The following RFX2 variants were observed in gnomAD, a reference collection of about 807,000 sequenced individuals.
RFX2 encodes DNA-binding protein RFX2.
In RFX2, 20 loss-of-function variants were observed where a neutral mutation model predicts 87.8. That is an observed-to-expected ratio of 0.23 (90% confidence interval 0.16 to 0.33). RFX2 has a LOEUF of 0.33. RFX2 is among the 10% of genes least tolerant of loss of function. The pLI is 1.00. For synonymous variants in RFX2, 397 were observed against 431.3 expected (o/e 0.92, Z 0.98); for missense variants, 767 against 1,012.3 (o/e 0.76, Z 3.29).
At position 6,012,605 on chromosome 19, in the gene RFX2, G is replaced by A. The variant is rs2086674490; in HGVS notation, c.899+381C>T. 1.3e-5 allele frequency among the ~76,000 whole-genome samples: 2 copies of A among 152,122 alleles called. No individual in the cohort carries two copies. The highest frequency in any genetic ancestry group is 4.8e-5 in the African/African-American group (2 of 41,412). ...ATGCTGGCTCCGCGGAGGGTCACGG[G>A]TCATGAGCAATGCACCGCTGTGTGG... On this transcript the variant is annotated intron_variant, in intron 8 of 17. Coordinates refer to ENST00000303657, the MANE Select transcript of RFX2 (RefSeq NM_000635.4). The surrounding 1 kb of genome is among the most constrained non-coding windows in gnomAD (Gnocchi z 4.6).
intron 5 of RFX2, among the ~76,000 whole-genome samples, chr19:6,032,505 T>G (rs776281739): frequency 2.6e-5 from 4 of 152,150 alleles, no homozygotes; most frequent in Non-Finnish European, 4.4e-5. Context: ...AATCATAGAA[T>G]TAGGCCTGGA....
chr19:6,099,304 C>T (rs989772103), intron 1 of RFX2, among the ~76,000 whole-genome samples: 1 of 152,160 alleles, frequency 6.6e-6, no homozygotes, highest in African/African-American at 2.4e-5. Context: ...TAAAACCCCT[C>T]CCCGCTCCCC....
At chr19:6,046,794 G>T (rs112708357) in intron 2 of RFX2, among the ~76,000 whole-genome samples, 3,427 of 151,382 alleles carry the variant, frequency 0.023, 135 homozygotes, top group African/African-American at 0.079. Context: ...TAAAGACAAG[G>T]TCTCTGTCAC....
At chr19:6,041,211 C>A (rs2087101097) in intron 4 of RFX2, among the ~76,000 whole-genome samples, 1 of 151,984 alleles carries the variant, frequency 6.6e-6, no homozygotes, top group Admixed American at 6.6e-5. Flanking sequence ...GTGTGCACCG[C>A]CACAGTAGCT....
intron 1 of RFX2, among the ~76,000 whole-genome samples, chr19:6,092,785 T>G (rs2087958680): frequency 6.6e-6 from 1 of 152,004 alleles, no homozygotes; most frequent in African/African-American, 2.4e-5. Flanking sequence ...CAGAACACTG[T>G]GGGTGAGTTC....
chr19:6,022,075 G>A lies in RFX2; in HGVS notation c.597+4088C>T, dbSNP rs991210860. ...GACGCAGTGGGGTTGGGGGCCGAGCGCCTGGAAGATTGGCTGCCCCTGCCT... is the reference window on the plus strand; with the variant it reads ...GACGCAGTGGGGTTGGGGGCCGAGCACCTGGAAGATTGGCTGCCCCTGCCT... On this transcript the variant is annotated intron_variant, in intron 6 of 17. Coordinates refer to ENST00000303657, the MANE Select transcript of RFX2 (RefSeq NM_000635.4). This position sits in a 1 kb window ranked among gnomAD's most constrained non-coding sequence, Gnocchi z 6.2. Among the ~76,000 whole-genome samples, 1 of 152,166 alleles carries A rather than the reference G, an allele frequency of 6.6e-6. No individual in the cohort carries two copies. Among genetic ancestry groups the A allele is most frequent in the African/African-American group, 2.4e-5 (1 of 41,432 alleles).
chr19:6,093,096 G>A (rs985327126), intron 1 of RFX2, among the ~76,000 whole-genome samples: 1 of 152,162 alleles, frequency 6.6e-6, no homozygotes, highest in African/African-American at 2.4e-5. Flanking sequence ...GCAAGCTAAC[G>A]CCAAGGGGAG....
intron 1 of RFX2, among the ~76,000 whole-genome samples, chr19:6,106,230 C>CCCATCCAT (rs56665747): frequency 0.066 from 9,915 of 150,036 alleles, 391 homozygotes; most frequent in African/African-American, 0.11. Flanking sequence ...CATCGGCCTG[C>CCCATCCAT]CCATCCATCC....
At chr19:6,104,604 G>A (rs976932460) in intron 1 of RFX2, among the ~76,000 whole-genome samples, 44 of 151,406 alleles carry the variant, frequency 2.9e-4, no homozygotes, top group African/African-American at 9.0e-4. Context: ...GCAGGGTGTC[G>A]CTATGTTGCC....
At chr19:6,097,988 T>G (rs2088054214) in intron 1 of RFX2, among the ~76,000 whole-genome samples, 1 of 152,168 alleles carries the variant, frequency 6.6e-6, no homozygotes, top group Non-Finnish European at 1.5e-5. Flanking sequence ...CTTGATTCTG[T>G]GGCCAACGTA....
rs570192052 is a variant in RFX2, at chr19:6,001,666, G to A, written c.1859+149C>T. The A allele has an allele frequency of 5.4e-4, 351 of 646,656 alleles. 2 individuals carry two copies. In the African/African-American group the frequency reaches 5.8e-3, roughly 11 times the overall value. 40.1% of individuals were successfully genotyped at this position (646,656 alleles called of 1,614,324 possible). A position where few individuals can be genotyped will look rare whatever the true frequency, so the allele number is the denominator to read the frequency against. On this transcript the variant is annotated intron_variant, in intron 15 of 17. Transcript: ENST00000303657. This position sits in a 1 kb window ranked among gnomAD's most constrained non-coding sequence, Gnocchi z 5.6. ...GGTCATGAGTGAGGCCCCCAGCCAG[G>A]TAGTTGTTTTTTGCGGGTTCAGACA... is the stretch of plus-strand genomic sequence containing the variant.
In RFX2 at chr19:6,012,858, G is replaced by T; in HGVS notation, c.899+128C>A. 1 of 935,546 alleles carries T rather than the reference G, an allele frequency of 1.1e-6. No individual in the cohort carries two copies. The highest frequency in any genetic ancestry group is 1.5e-6 in the Non-Finnish European group (1 of 681,006). The allele number at this position is 935,546 out of a possible 1,614,324, so 58.0% of individuals were successfully genotyped here. A position where few individuals can be genotyped will look rare whatever the true frequency, so the allele number is the denominator to read the frequency against. ...ACTCACCTCAGTCTCAGCAGAGGGGGATACCTTGGCTTTCCCAGGATGCTG... is the reference window on the plus strand; with the variant it reads ...ACTCACCTCAGTCTCAGCAGAGGGGTATACCTTGGCTTTCCCAGGATGCTG... On this transcript the variant is annotated intron_variant, in intron 8 of 17. Transcript: ENST00000303657. This position sits in a 1 kb window ranked among gnomAD's most constrained non-coding sequence, Gnocchi z 4.6.
rs548730074 is a variant in RFX2 at position 6,074,998 on chromosome 19, C to T, written c.-8-27494G>A. On this transcript the variant is annotated intron_variant, in intron 1 of 17. Coordinates refer to ENST00000303657, the MANE Select transcript of RFX2 (RefSeq NM_000635.4). This position sits in a 1 kb window ranked among gnomAD's most constrained non-coding sequence, Gnocchi z 5.2. ...TTAGGTCATGAGGGTGGGATCATGC[C>T]CTCCCTTATGGAAGGGACCCCAGAG... Among the ~76,000 whole-genome samples, 1 of 152,088 alleles carries T rather than the reference C, an allele frequency of 6.6e-6. No homozygotes were observed. Among genetic ancestry groups the T allele is most frequent in the Admixed American group, 6.5e-5 (1 of 15,276 alleles).
At chr19:6,032,332 A>T (rs1464702448) in intron 5 of RFX2, among the ~76,000 whole-genome samples, 1 of 152,068 alleles carries the variant, frequency 6.6e-6, no homozygotes, top group Non-Finnish European at 1.5e-5. Flanking sequence ...GGGTTTCACC[A>T]TGTTGGCCAG....
At chr19:6,093,084 C>A (rs1373651150) in intron 1 of RFX2, among the ~76,000 whole-genome samples, 1 of 152,094 alleles carries the variant, frequency 6.6e-6, no homozygotes, top group Non-Finnish European at 1.5e-5. Context: ...ATGTAAGTGG[C>A]GGCAAGCTAA....
chr19:6,059,232 G>A (rs886258790), intron 1 of RFX2, among the ~76,000 whole-genome samples: 3 of 151,884 alleles, frequency 2.0e-5, no homozygotes, highest in Admixed American at 6.6e-5. Flanking sequence ...CTCCCACCTC[G>A]GCCTCCCAAA....
Position 6,004,398 on chromosome 19 carries a change from G to A in RFX2, c.1403-100C>T. 2.0e-6 allele frequency: 2 copies of A among 982,300 alleles called. No homozygotes were observed. The highest frequency in any genetic ancestry group is 1.6e-5 in the African/African-American group (1 of 62,880). 60.8% of individuals were successfully genotyped at this position (982,300 alleles called of 1,614,324 possible). On this transcript the variant is annotated intron_variant, in intron 12 of 17. Coordinates refer to ENST00000303657, the MANE Select transcript of RFX2 (RefSeq NM_000635.4). The surrounding 1 kb of genome is among the most constrained non-coding windows in gnomAD (Gnocchi z 4.8). The stretch of plus-strand genomic sequence containing the variant: ...GAGCTGGCCCAAGTGCGATGAAAAT[G>A]ACCACCATGAAGAACGAGCCACACA...
Position 6,044,187 on chromosome 19 carries a change from C to A in RFX2, c.180+6G>T. On this transcript the variant is annotated splice_donor_region_variant and intron_variant, in intron 3 of 17. Coordinates refer to ENST00000303657, the MANE Select transcript of RFX2 (RefSeq NM_000635.4). This position sits in a 1 kb window ranked among gnomAD's most constrained non-coding sequence, Gnocchi z 5.3. Reference sequence around the variant, plus strand: ...GTTTGCACGGTGCTGCGGTGCTTGTCATTACCTGCTGGGGTACCTGCTGAA... The same window carrying A: ...GTTTGCACGGTGCTGCGGTGCTTGTAATTACCTGCTGGGGTACCTGCTGAA... The A allele has an allele frequency of 1.3e-6, 2 of 1,541,444 alleles. No homozygotes were observed. Among genetic ancestry groups the A allele is most frequent in the South Asian group, 1.2e-5 (1 of 80,632 alleles).
At position 6,009,139 on chromosome 19, in the gene RFX2, G is replaced by A. The variant is rs117621076; in HGVS notation, c.1016-915C>T. ...GAGCCAGCTCAGGGCAGCACATCTC[G>A]GGGAGAAGGCCAGCCACGGTGTCCC... On this transcript the variant is annotated intron_variant, in intron 9 of 17. Transcript: ENST00000303657. 2.6e-3 allele frequency among the ~76,000 whole-genome samples: 399 copies of A among 152,300 alleles called. 3 individuals are homozygous for A. Among genetic ancestry groups the A allele is most frequent in the Non-Finnish European group, 4.6e-3 (313 of 68,026 alleles).
Sources: gnomAD v4.1 joint callset for allele counts (sites outside exome capture counted in the v4.1 genomes callset) on GRCh38, gnomAD v4.1.1 for gene constraint, Gnocchi (gnomAD v3.1) non-coding constraint, MANE v1.5 for transcripts, NCBI Gene and HGNC (gene_info 2026-07-23, HGNC 2026-07-21) for gene names.